The following ATP2B4 variants were observed in gnomAD, a reference collection of about 807,000 sequenced individuals.
The protein encoded by ATP2B4 is plasma membrane calcium-transporting ATPase 4.
Under a neutral mutation model 110.3 loss-of-function variants are expected in ATP2B4, and 39 were observed. The observed-to-expected ratio is 0.35, with a 90% CI of 0.27 to 0.46. The LOEUF (loss-of-function observed/expected upper bound fraction) is 0.46. ATP2B4 is among the 20% of genes least tolerant of loss of function. The pLI is 1.00. For synonymous variants in ATP2B4, 538 were observed against 571.7 expected (o/e 0.94, Z 0.84); for missense variants, 1,135 against 1,530.9 (o/e 0.74, Z 4.32).
chr1:203,664,238 A>G lies in ATP2B4; in HGVS notation c.-464-18504A>G, dbSNP rs1207664620. Among the ~76,000 whole-genome samples, 3 of 152,304 alleles carry G rather than the reference A, an allele frequency of 2.0e-5. No individual in the cohort carries two copies. The East Asian group carries it at 5.8e-4, about 29-fold the overall frequency. ...CCTCAGACAGATAGATTCCCCAGAT[A>G]TAGCTGCAAAAATTAGAGATTCTGG... is the stretch of plus-strand genomic sequence containing the variant. On this transcript the variant is annotated intron_variant, in intron 1 of 20. Coordinates refer to ENST00000357681, the MANE Select transcript of ATP2B4 (RefSeq NM_001684.5).
chr1:203,663,184 G>A (rs1291539941), intron 1 of ATP2B4, among the ~76,000 whole-genome samples: 1 of 152,132 alleles, frequency 6.6e-6, no homozygotes, highest in Non-Finnish European at 1.5e-5. Flanking sequence ...TGGTCCTGAT[G>A]CACTTCAATA....
Position 203,722,659 on chromosome 1 carries a change from C to T in ATP2B4, c.2994C>T (p.Cys998=). 1 of 1,614,168 alleles carries T rather than the reference C, an allele frequency of 6.2e-7. No individual in the cohort carries two copies. The highest frequency in any genetic ancestry group is 8.5e-7 in the Non-Finnish European group (1 of 1,180,018). ...FSGIYRNIIF[C]SVVLGTFICQ... Reference sequence around the variant, plus strand: ...GCATCTACCGCAACATTATCTTCTGCTCTGTAGTCTTGGGCACATTCATCT... The same window carrying T: ...GCATCTACCGCAACATTATCTTCTGTTCTGTAGTCTTGGGCACATTCATCT... The change falls in exon 18 of 21, where the codon TGC becomes TGT. Residue 998 remains cysteine (C), a synonymous_variant. Transcript: ENST00000357681.
At chr1:203,670,242 G>C (rs575763369) in intron 1 of ATP2B4, among the ~76,000 whole-genome samples, 1 of 151,018 alleles carries the variant, frequency 6.6e-6, no homozygotes, top group South Asian at 2.1e-4. Context: ...GCAGTGGCAC[G>C]ATCTCAGCTC....
chr1:203,729,437 C>T, intron 20 of ATP2B4: 1 of 352,542 alleles, frequency 2.8e-6, no homozygotes, highest in Non-Finnish European at 5.5e-6. Context: ...CCCAGCTACT[C>T]TGGAGGCTGA....
chr1:203,703,819 T>C lies in ATP2B4; in HGVS notation c.1099+6T>C. 6.2e-7 allele frequency: 1 copy of C among 1,613,470 alleles called. No individual in the cohort carries two copies. Among genetic ancestry groups the C allele is most frequent in the East Asian group, 2.2e-5 (1 of 44,862 alleles). On this transcript the variant is annotated splice_donor_region_variant and intron_variant, in intron 8 of 20. Transcript: ENST00000357681. ...TGTTCAGATTGGGAAAGCCGGTGAG[T>C]AGGGTAGAGCCTCGTTGTGGTTTAT...
intron 1 of ATP2B4, among the ~76,000 whole-genome samples, chr1:203,635,100 G>A (rs1052230020): frequency 6.6e-6 from 1 of 152,008 alleles, no homozygotes; most frequent in African/African-American, 2.4e-5. Context: ...TCAGCCTCCT[G>A]AGTAGCTGGG....
intron 20 of ATP2B4, among the ~76,000 whole-genome samples, chr1:203,739,080 C>G (rs941882922): frequency 5.9e-5 from 9 of 152,166 alleles, no homozygotes; most frequent in African/African-American, 2.2e-4. Context: ...AACTAAACCT[C>G]AATGCATAAT....
At chr1:203,719,225 G>GAAAAAAAAAAAAAAAAAAAAAAAA (rs60841821) in intron 15 of ATP2B4, among the ~76,000 whole-genome samples, 1 of 54,406 alleles carries the variant, frequency 1.8e-5, no homozygotes, top group African/African-American at 7.5e-5. Context: ...ACCCTGTCTC[G>GAAAAAAAAAAAAAAAAAAAAAAAA]AAAAAAAAAA....
At chr1:203,703,018 C>T (rs1177993025) in intron 7 of ATP2B4, among the ~76,000 whole-genome samples, 1 of 152,130 alleles carries the variant, frequency 6.6e-6, no homozygotes, top group Non-Finnish European at 1.5e-5. Context: ...CCCTCTTCCC[C>T]AAAAGACTTA....
intron 2 of ATP2B4, among the ~76,000 whole-genome samples, chr1:203,685,957 G>T (rs780173221): frequency 6.6e-6 from 1 of 151,418 alleles, no homozygotes; most frequent in East Asian, 1.9e-4. Context: ...AGGTTACTGT[G>T]TGTGTAACTG....
chr1:203,635,646 G>C (rs1362455111), intron 1 of ATP2B4, among the ~76,000 whole-genome samples: 4 of 151,284 alleles, frequency 2.6e-5, no homozygotes, highest in Non-Finnish European at 5.9e-5. Context: ...GTGAGACCCT[G>C]TCTCAAAAAA....
At chr1:203,700,067 C>T in intron 4 of ATP2B4, 139 bp from the exon 5 acceptor site, 2 of 1,047,092 alleles carry the variant, frequency 1.9e-6, no homozygotes, top group Admixed American at 2.4e-5. Context: ...AAAGAGTCTC[C>T]ATGTACTCTC....
At chr1:203,727,722 G>A (rs1666566597) in intron 20 of ATP2B4, 151 bp downstream of exon 20, 3 of 938,452 alleles carry the variant, frequency 3.2e-6, no homozygotes, top group Admixed American at 2.9e-5. Flanking sequence ...CTTCAGGACA[G>A]ACACGCAAAA....
chr1:203,732,141 A>T (rs1287329516), intron 20 of ATP2B4, among the ~76,000 whole-genome samples: 1 of 144,264 alleles, frequency 6.9e-6, no homozygotes, highest in Non-Finnish European at 1.5e-5. Context: ...CGCACCTTGC[A>T]CTCCAGCCTG....
chr1:203,700,379 C>G (rs758380068), intron 5 of ATP2B4, 48 bp downstream of exon 5: 3 of 1,582,932 alleles, frequency 1.9e-6, no homozygotes, highest in Non-Finnish European at 2.6e-6. Flanking sequence ...CTGCAAACAC[C>G]TAGGCCACAG....
chr1:203,695,273 T>A (rs1313037011), intron 2 of ATP2B4, among the ~76,000 whole-genome samples: 1 of 152,218 alleles, frequency 6.6e-6, no homozygotes, highest in Non-Finnish European at 1.5e-5. Context: ...GGCACAGCCT[T>A]GCCATCTCTG....
intron 9 of ATP2B4, among the ~76,000 whole-genome samples, chr1:203,707,516 C>T (rs1473912035): frequency 3.3e-5 from 5 of 151,866 alleles, no homozygotes; most frequent in Non-Finnish European, 7.4e-5. Context: ...ATGCAACCTC[C>T]GCCTCCCGGG....
intron 20 of ATP2B4, among the ~76,000 whole-genome samples, chr1:203,729,041 C>T (rs931561448): frequency 6.6e-6 from 1 of 151,430 alleles, no homozygotes; most frequent in African/African-American, 2.4e-5. Flanking sequence ...TCGCTTGAAC[C>T]CAGGAGGCGG....
intron 4 of ATP2B4, 147 bp from the exon 5 acceptor site, chr1:203,700,059 A>G: frequency 1.0e-6 from 1 of 999,868 alleles, no homozygotes; most frequent in Non-Finnish European, 1.5e-6. Flanking sequence ...AGACTTGTAA[A>G]GAGTCTCCAT....
Sources: allele counts gnomAD v4.1 joint callset (sites outside exome capture counted in the v4.1 genomes callset), GRCh38; gene constraint gnomAD v4.1.1; transcripts MANE v1.5; gene names NCBI Gene and HGNC (gene_info 2026-07-23, HGNC 2026-07-21).